Variants in UTP25 observed in about 807,000 individuals in gnomAD.
UTP25 encodes U3 small nucleolar RNA-associated protein 25 homolog.
In UTP25, 50 loss-of-function variants were observed where a neutral mutation model predicts 78.9. The observed-to-expected ratio is 0.63, with a 90% CI of 0.50 to 0.80. The LOEUF (loss-of-function observed/expected upper bound fraction) is 0.80, where lower values mean the gene tolerates loss of function less well. Among genes scored for constraint, UTP25 ranks in the 30% least tolerant of loss-of-function variants. The pLI is 0.00. For synonymous variants in UTP25, 329 were observed against 336.5 expected, an observed-to-expected ratio of 0.98 and a Z score of 0.24; for missense variants, 846 against 911.3, an observed-to-expected ratio of 0.93 and a Z score of 0.92.
intron 11 of UTP25, chr1:209,844,488 T>G (rs1299748118): frequency 6.6e-6 from 1 of 152,132 alleles, no homozygotes; most frequent in Non-Finnish European, 1.5e-5. Context: ...AAAAATTAGT[T>G]GAGCGTGGTG....
At chr1:209,843,945 T>A in intron 11 of UTP25, 1 of 517,012 alleles carries the variant, frequency 1.9e-6, no homozygotes, top group Non-Finnish European at 3.5e-6. Context: ...AGACCTGGCA[T>A]GTAGCTGTGG....
rs1572012388 is a variant in UTP25 at position 209,854,975 on chromosome 1, C to T, written c.*3528C>T. ...TCTTCATTACCAAATTTCTACTCCACACTTATTTTAAAAAGCTTTTCTGAA... is the reference window on the plus strand; with the variant it reads ...TCTTCATTACCAAATTTCTACTCCATACTTATTTTAAAAAGCTTTTCTGAA... On this transcript the variant is annotated 3_prime_UTR_variant, in exon 12 of 12. Transcript: ENST00000491415. 6.6e-6 allele frequency: 1 copy of T among 152,178 alleles called. No individual in the cohort carries two copies. The highest frequency in any genetic ancestry group is 2.4e-5 in the African/African-American group (1 of 41,438). 9.4% of individuals were successfully genotyped at this position (152,178 alleles called of 1,614,324 possible).
At chr1:209,834,963 T>G in intron 4 of UTP25, 112 bp from the exon 5 acceptor site, 3 of 772,062 alleles carry the variant, frequency 3.9e-6, no homozygotes, top group East Asian at 3.0e-5. Context: ...GGAAAGTCAA[T>G]GGAGAAAAGG....
rs1393230776 is a variant in UTP25 at position 209,852,941 on chromosome 1, A to T, written c.*1494A>T. On this transcript the variant is annotated 3_prime_UTR_variant, in exon 12 of 12. Transcript: ENST00000491415. ...TGCTTCTCATTTTCTTTCCATATTG[A>T]TAACTCCTTTCTCAGACAGTGGCTC... The T allele has an allele frequency of 6.6e-6, 1 of 152,220 alleles. No individual in the cohort carries two copies. The highest frequency in any genetic ancestry group is 2.4e-5 in the African/African-American group (1 of 41,448). 9.4% of individuals were successfully genotyped at this position (152,220 alleles called of 1,614,324 possible). A position where few individuals can be genotyped will look rare whatever the true frequency, so the allele number is the denominator to read the frequency against.
rs2078264799 is a variant in UTP25 at position 209,854,936 on chromosome 1, GA to G, written c.*3490del. 1 of 152,150 alleles carries G rather than the reference GA, an allele frequency of 6.6e-6. No individual in the cohort carries two copies. The highest frequency in any genetic ancestry group is 2.4e-5 in the African/African-American group (1 of 41,416). The allele number at this position is 152,150 out of a possible 1,614,324, so 9.4% of individuals were successfully genotyped here. On this transcript the variant is annotated 3_prime_UTR_variant, in exon 12 of 12. Transcript: ENST00000491415. ...CCCTTTCCCATCTTTTCTCTCAAAG[GA>G]GCATGGTAGTGATCTTCATTACCAA...
At chr1:209,847,025 GCA>G (rs3028167) in intron 11 of UTP25, among the ~76,000 whole-genome samples, 1 of 151,864 alleles carries the variant, frequency 6.6e-6, no homozygotes, top group African/African-American at 2.4e-5. Context: ...ATGCACACGT[GCA>G]CACACACACG....
chr1:209,834,472 A>G (rs1278769431), intron 4 of UTP25, among the ~76,000 whole-genome samples: 2 of 152,204 alleles, frequency 1.3e-5, no homozygotes. Context: ...TCCCAGTGCA[A>G]GATCAATCAG....
Position 209,842,765 on chromosome 1 carries a change from A to C in UTP25, c.1781+70A>C. 3.5e-6 allele frequency: 4 copies of C among 1,150,800 alleles called. No homozygotes were observed. The Admixed American group carries it at 8.9e-5, about 26-fold the overall frequency. The allele number at this position is 1,150,800 out of a possible 1,614,324, so 71.3% of individuals were successfully genotyped here. A position where few individuals can be genotyped will look rare whatever the true frequency, so the allele number is the denominator to read the frequency against. ...ATTTGACTTGGGCATACAAACCTAG[A>C]ATTGGATTCCATTTTGCTTTTATTG... On this transcript the variant is annotated intron_variant, in intron 10 of 11. Coordinates refer to ENST00000491415, the MANE Select transcript of UTP25 (RefSeq NM_014388.7).
chr1:209,843,880 C>A (rs773692935), intron 11 of UTP25, 184 bp downstream of exon 11: 6 of 757,822 alleles, frequency 7.9e-6, no homozygotes, highest in Non-Finnish European at 1.2e-5. Context: ...TTGGTTTTCT[C>A]CCAAAATGGG....
rs759517520 is a variant in UTP25 at position 209,833,328 on chromosome 1, G to A, written c.532G>A (p.Gly178Arg). The stretch of plus-strand genomic sequence containing the variant: ...AACCAATTTTCTGGAAGAGGAAAGT[G>A]GAGACAACTCTTCTTTGAAAGCCTC... Reference protein sequence around the residue: ...LETNFLEEESGDNSSLKASQD... With the variant: ...LETNFLEEESRDNSSLKASQD... The change falls in exon 4 of 12, where the codon GGA becomes AGA. Residue 178 changes from glycine to arginine, a missense_variant. Coordinates refer to ENST00000491415, the MANE Select transcript of UTP25 (RefSeq NM_014388.7). 1 of 1,586,248 alleles carries A rather than the reference G, an allele frequency of 6.3e-7. No homozygotes were observed.
chr1:209,840,995 C>T lies in UTP25; in HGVS notation c.1425C>T (p.Ile475=), dbSNP rs769898588. 6.8e-6 allele frequency: 11 copies of T among 1,613,946 alleles called. 1 individual carries two copies. Among genetic ancestry groups the T allele is most frequent in the South Asian group, 4.4e-5 (4 of 91,082 alleles). The part of the protein sequence containing the change: ...KKRDFDFLSS[I]ELLIIDQADI... ...GAGATTTTGACTTTCTGTCTTCTATCGAGCTTCTCATCATTGATCAAGCTG... is the reference window on the plus strand; with the variant it reads ...GAGATTTTGACTTTCTGTCTTCTATTGAGCTTCTCATCATTGATCAAGCTG... Residue 475 remains isoleucine (I), a synonymous_variant, in exon 8 of 12, where the codon ATC becomes ATT. Transcript: ENST00000491415.
At chr1:209,838,745 G>A in intron 6 of UTP25, 164 bp from the exon 7 acceptor site, 2 of 732,904 alleles carry the variant, frequency 2.7e-6, no homozygotes, top group East Asian at 5.0e-5. Context: ...CTCAGTTTCT[G>A]GTGTTGAGCC....
At chr1:209,847,208 A>G (rs1299389743) in intron 11 of UTP25, among the ~76,000 whole-genome samples, 2 of 152,210 alleles carry the variant, frequency 1.3e-5, no homozygotes, top group Non-Finnish European at 2.9e-5. Flanking sequence ...GTTACTATAT[A>G]TAGCTCTACG....
chr1:209,831,284 G>A lies in UTP25; in HGVS notation c.388+241G>A, dbSNP rs1323424080. On this transcript the variant is annotated intron_variant, in intron 3 of 11. Transcript: ENST00000491415. ...TTTCAGGGACTTCATCAGTACTAGTGAAAGACCTCCTAATACAGAGGAAGG... is the reference window on the plus strand; with the variant it reads ...TTTCAGGGACTTCATCAGTACTAGTAAAAGACCTCCTAATACAGAGGAAGG... 4.6e-5 allele frequency among the ~76,000 whole-genome samples: 7 copies of A among 152,326 alleles called. No individual in the cohort carries two copies. In the East Asian group the frequency reaches 1.4e-3, roughly 29 times the overall value.
Position 209,855,055 on chromosome 1 carries a change from A to G in UTP25, c.*3608A>G, listed in dbSNP as rs1449799925. On this transcript the variant is annotated 3_prime_UTR_variant, in exon 12 of 12. Coordinates refer to ENST00000491415, the MANE Select transcript of UTP25 (RefSeq NM_014388.7). ...TTCAGTCAACTTTTAATTAGAGTCA[A>G]TGAATGGGGAGTAAATACACAGATA... 1 of 152,224 alleles carries G rather than the reference A, an allele frequency of 6.6e-6. No individual in the cohort carries two copies. The highest frequency in any genetic ancestry group is 2.4e-5 in the African/African-American group (1 of 41,444). The allele number at this position is 152,224 out of a possible 1,614,324, so 9.4% of individuals were successfully genotyped here.
At position 209,836,980 on chromosome 1, in the gene UTP25, C is replaced by T; in HGVS notation, c.831C>T (p.Pro277=). Residue 277 remains proline, a synonymous_variant, in exon 6 of 12, where the codon CCC becomes CCT. Coordinates refer to ENST00000491415, the MANE Select transcript of UTP25 (RefSeq NM_014388.7). The part of the protein sequence containing the change: ...GPQKSSSPFT[P]LQKELFLIMN... The stretch of plus-strand genomic sequence containing the variant: ...AAAAATCAAGCAGCCCATTCACCCC[C>T]CTCCAGAAAGAACTCTTCTTAATTA... The T allele has an allele frequency of 1.2e-6, 2 of 1,614,144 alleles. No individual in the cohort carries two copies. The highest frequency in any genetic ancestry group is 1.1e-5 in the South Asian group (1 of 91,084).
At chr1:209,848,640 T>C (rs1338156044) in intron 11 of UTP25, among the ~76,000 whole-genome samples, 1 of 152,242 alleles carries the variant, frequency 6.6e-6, no homozygotes, top group Non-Finnish European at 1.5e-5. Flanking sequence ...ACTTATTTGC[T>C]CCTTTGCATC....
At chr1:209,846,100 G>A (rs1203008683) in intron 11 of UTP25, among the ~76,000 whole-genome samples, 1 of 151,930 alleles carries the variant, frequency 6.6e-6, no homozygotes, top group African/African-American at 2.4e-5. Flanking sequence ...TGTGATCTGC[G>A]CACTTCAGCC....
intron 11 of UTP25, among the ~76,000 whole-genome samples, chr1:209,846,470 C>T (rs558938870): frequency 6.6e-6 from 1 of 152,196 alleles, no homozygotes; most frequent in South Asian, 2.1e-4. Flanking sequence ...TTTGGAAAGG[C>T]TGCTGGGAAT....
Sources: gnomAD v4.1 joint callset for allele counts (sites outside exome capture counted in the v4.1 genomes callset) on GRCh38, gnomAD v4.1.1 for gene constraint, MANE v1.5 for transcripts, NCBI Gene and HGNC (gene_info 2026-07-23, HGNC 2026-07-21) for gene names.